The following FASTKD3 variants were observed in gnomAD, a reference collection of about 807,000 sequenced individuals.
FASTKD3 encodes FAST kinase domains 3.
Under a neutral mutation model 49.7 loss-of-function variants are expected in FASTKD3, and 47 were observed. The observed-to-expected ratio is 0.95, with a 90% CI of 0.75 to 1.21. FASTKD3 has a LOEUF of 1.21. Ranked by LOEUF, FASTKD3 falls within the 50% of genes most tolerant of loss-of-function variation. The pLI is 0.00. For missense variants in FASTKD3, 748 were observed against 765.7 expected (o/e 0.98, Z 0.27); for synonymous variants, 284 against 288.6 (o/e 0.98, Z 0.16).
intron 5 of FASTKD3, 129 bp downstream of exon 5, chr5:7,861,454 G>A (rs759646083): frequency 4.6e-6 from 3 of 659,092 alleles, no homozygotes; most frequent in Non-Finnish European, 7.1e-6. Flanking sequence ...TCCCAACATG[G>A]TATTCTGAAA....
chr5:7,859,483 T>A lies in FASTKD3; in HGVS notation c.1941A>T (p.Leu647Phe). The A allele has an allele frequency of 6.2e-7, 1 of 1,607,308 alleles. No individual in the cohort carries two copies. Among genetic ancestry groups the A allele is most frequent in the South Asian group, 1.1e-5 (1 of 89,790 alleles). The change falls in exon 7 of 7, where the codon TTA becomes TTT. Residue 647 changes from leucine to phenylalanine, a missense_variant. Leu to Phe is a conservative substitution (Grantham distance 22). Transcript: ENST00000264669. ...LKSRRELVEYLQRKLFSQNTV... is the reference protein window; with the variant it reads ...LKSRRELVEYFQRKLFSQNTV... Reference sequence around the variant, plus strand: ...TGTTTTGAGAAAACAGTTTTCTTTGTAAATATTCCACCAATTCACGTCTTG... The same window carrying A: ...TGTTTTGAGAAAACAGTTTTCTTTGAAAATATTCCACCAATTCACGTCTTG...
intron 2 of FASTKD3, among the ~76,000 whole-genome samples, chr5:7,866,313 C>CA (rs35385669): frequency 0.49 from 69,107 of 140,316 alleles, 17,383 homozygotes; most frequent in Non-Finnish European, 0.58. Flanking sequence ...ACCATCCTCT[C>CA]AAAAAAAAAA....
In FASTKD3 at chr5:7,867,655, C is replaced by CT. The variant is rs773607911; in HGVS notation, c.428dup (p.Asp144GlyfsTer3). The stretch of plus-strand genomic sequence containing the variant: ...CTTTTGGCAGCCCTTGATCACCATC[C>CT]TTTTTTTCCACTTCACAAATTCGTT... On this transcript the variant is annotated frameshift_variant, in exon 2 of 7. Transcript: ENST00000264669. LOFTEE classifies it high-confidence loss of function. The CT allele has an allele frequency of 1.2e-6, 2 of 1,614,204 alleles. No homozygotes were observed. Among genetic ancestry groups the CT allele is most frequent in the Non-Finnish European group, 1.7e-6 (2 of 1,180,022 alleles).
chr5:7,866,989 C>A lies in FASTKD3; in HGVS notation c.1095G>T (p.Thr365=), dbSNP rs773592462. The A allele has an allele frequency of 1.2e-6, 2 of 1,614,132 alleles. No homozygotes were observed. The highest frequency in any genetic ancestry group is 2.2e-5 in the East Asian group (1 of 44,862). ...CCCTGCAGACAACTTCAGGATCCAACGTGAGGCACACCGCAGCTACACGAT... is the reference window on the plus strand; with the variant it reads ...CCCTGCAGACAACTTCAGGATCCAAAGTGAGGCACACCGCAGCTACACGAT... ...LEHRVAAVCL[T]LDPEVVCRVM... The change falls in exon 2 of 7, where the codon ACG becomes ACT. Residue 365 remains threonine, a synonymous_variant. Coordinates refer to ENST00000264669, the MANE Select transcript of FASTKD3 (RefSeq NM_024091.4).
At chr5:7,862,241 T>C (rs1447302286) in intron 4 of FASTKD3, among the ~76,000 whole-genome samples, 1 of 152,162 alleles carries the variant, frequency 6.6e-6, no homozygotes, top group African/African-American at 2.4e-5. Context: ...TTAGAAGAAC[T>C]GTAAGGACGG....
chr5:7,861,084 C>T, intron 6 of FASTKD3, 65 bp downstream of exon 6: 3 of 982,430 alleles, frequency 3.1e-6, no homozygotes, highest in Non-Finnish European at 3.1e-6. Context: ...TTAAAAGTAA[C>T]CTGGAAAAAT....
At chr5:7,863,058 T>C in intron 3 of FASTKD3, 61 bp from the exon 4 acceptor site, 1 of 1,459,536 alleles carries the variant, frequency 6.9e-7, no homozygotes, top group Non-Finnish European at 9.5e-7. Context: ...AGAGAATAAA[T>C]TGAAGGTTAC....
Position 7,859,544 on chromosome 5 carries a change from A to T in FASTKD3, c.1885-5T>A. The T allele has an allele frequency of 6.5e-7, 1 of 1,548,586 alleles. No homozygotes were observed. Among genetic ancestry groups the T allele is most frequent in the Non-Finnish European group, 8.8e-7 (1 of 1,131,312 alleles). The stretch of plus-strand genomic sequence containing the variant: ...CCCAATCTCATGATAGGGGATCTGT[A>T]AAGGTAGAAAAGTAAAACTGGTCAA... On this transcript the variant is annotated splice_polypyrimidine_tract_variant and splice_region_variant and intron_variant, in intron 6 of 6. Transcript: ENST00000264669.
Position 7,861,167 on chromosome 5 carries a change from G to C in FASTKD3, c.1866C>G (p.Leu622=). The C allele has an allele frequency of 6.2e-7, 1 of 1,605,768 alleles. No homozygotes were observed. Among genetic ancestry groups the C allele is most frequent in the East Asian group, 2.2e-5 (1 of 44,822 alleles). Residue 622 remains leucine (L), a synonymous_variant, in exon 6 of 7, where the codon CTC becomes CTG. Transcript: ENST00000264669. ...ACCGTACCTGAACAACTTGATAACC[G>C]AGTAACTGTAGGTGTCTTTGTTTAA... is the stretch of plus-strand genomic sequence containing the variant. ...EAIKQRHLQL[L]GYQVVQIPYH...
At position 7,867,121 on chromosome 5, in the gene FASTKD3, A is replaced by G. The variant is rs144694454; in HGVS notation, c.963T>C (p.Tyr321=). 4.3e-4 allele frequency: 696 copies of G among 1,614,206 alleles called. 4 individuals are homozygous for G. In the African/African-American group the frequency reaches 8.4e-3, roughly 19 times the overall value. Residue 321 remains tyrosine (Y), a synonymous_variant, in exon 2 of 7, where the codon TAT becomes TAC. Coordinates refer to ENST00000264669, the MANE Select transcript of FASTKD3 (RefSeq NM_024091.4). ...AFPLIIKLGK[Y]VVRHVPHFTN... is the part of the protein sequence containing the mutation. Reference sequence around the variant, plus strand: ...TGAAATGTGGGACATGCCTCACGACATATTTGCCCAATTTTATAATCAGAG... The same window carrying G: ...TGAAATGTGGGACATGCCTCACGACGTATTTGCCCAATTTTATAATCAGAG...
chr5:7,868,987 G>C lies in FASTKD3; in HGVS notation c.-122C>G, dbSNP rs560408911. 1.5e-5 allele frequency: 14 copies of C among 917,840 alleles called. No homozygotes were observed. The highest frequency in any genetic ancestry group is 2.5e-5 in the Non-Finnish European group (14 of 562,546). 56.9% of individuals were successfully genotyped at this position (917,840 alleles called of 1,614,324 possible). A position where few individuals can be genotyped will look rare whatever the true frequency, so the allele number is the denominator to read the frequency against. On this transcript the variant is annotated 5_prime_UTR_variant, in exon 1 of 7. Transcript: ENST00000264669. Reference sequence around the variant, plus strand: ...CCCGCGTTGACACCTACCGCGCTCTGCCGGGCAATCACTCCGGGTGGTCGC... The same window carrying C: ...CCCGCGTTGACACCTACCGCGCTCTCCCGGGCAATCACTCCGGGTGGTCGC...
chr5:7,864,142 C>T (rs79632358), intron 3 of FASTKD3, among the ~76,000 whole-genome samples: 2,275 of 152,144 alleles, frequency 0.015, 30 homozygotes, highest in Non-Finnish European at 0.024. Context: ...TGAGCCACTG[C>T]GCACGGCAAG....
rs1161589002 is a variant in FASTKD3 at position 7,859,602 on chromosome 5, T to C, written c.1885-63A>G. The C allele has an allele frequency of 1.6e-5, 17 of 1,078,288 alleles. No individual in the cohort carries two copies. In the Admixed American group the frequency reaches 2.5e-4, roughly 16 times the overall value. The allele number at this position is 1,078,288 out of a possible 1,614,324, so 66.8% of individuals were successfully genotyped here. On this transcript the variant is annotated intron_variant, in intron 6 of 6. Coordinates refer to ENST00000264669, the MANE Select transcript of FASTKD3 (RefSeq NM_024091.4). ...CAAAATCTGAGGTTCCTCTGGCTAT[T>C]GGTTACTTTGTTTGTTTCTTACACG...
Position 7,866,789 on chromosome 5 carries a change from AG to A in FASTKD3, c.1294del (p.Leu432TrpfsTer18). 6.2e-7 allele frequency: 1 copy of A among 1,614,216 alleles called. No homozygotes were observed. Among genetic ancestry groups the A allele is most frequent in the Non-Finnish European group, 8.5e-7 (1 of 1,180,020 alleles). ...PPNASALFRK[L>X]ENVLFTHFNY... ...GAAATGAGTGAATAGCACGTTTTCC[AG>A]CTTTCTAAATAAAGCAGAGGCATTT... On this transcript the variant is annotated frameshift_variant, in exon 2 of 7. Transcript: ENST00000264669. LOFTEE classifies it high-confidence loss of function.
chr5:7,868,809 G>C (rs1747280667), intron 1 of FASTKD3, among the ~76,000 whole-genome samples, 170 bp downstream of exon 1: 1 of 152,224 alleles, frequency 6.6e-6, no homozygotes, highest in Non-Finnish European at 1.5e-5. Flanking sequence ...AGGCCCCGCG[G>C]CGCGTTTTCC....
intron 3 of FASTKD3, among the ~76,000 whole-genome samples, chr5:7,863,702 A>G (rs948904562): frequency 2.6e-5 from 4 of 152,232 alleles, no homozygotes; most frequent in East Asian, 1.9e-4. Context: ...GAAAATGGTT[A>G]TTTATTTGGA....
intron 6 of FASTKD3, among the ~76,000 whole-genome samples, chr5:7,860,344 C>T (rs161875): frequency 0.031 from 4,680 of 152,242 alleles, 132 homozygotes; most frequent in African/African-American, 0.071. Context: ...ACATTATCTA[C>T]AGTGAAATAT....
rs1747020999 is a variant in FASTKD3 at position 7,867,178 on chromosome 5, G to C, written c.906C>G (p.Ala302=). ...SPKLISQMLT[A]LVVLDQSQAF... is the part of the protein sequence containing the mutation. ...CTTGACTTTGATCAAGAACCACCAG[G>C]GCAGTGAGCATTTGGCTAATCAATT... The change falls in exon 2 of 7, where the codon GCC becomes GCG. Residue 302 remains alanine, a synonymous_variant. Transcript: ENST00000264669. 6.2e-7 allele frequency: 1 copy of C among 1,614,002 alleles called. No homozygotes were observed. Among genetic ancestry groups the C allele is most frequent in the Non-Finnish European group, 8.5e-7 (1 of 1,180,042 alleles).
chr5:7,863,018 ATGTG>A, intron 3 of FASTKD3, 21 bp from the exon 4 acceptor site: 1 of 1,596,770 alleles, frequency 6.3e-7, no homozygotes, highest in South Asian at 1.1e-5. Flanking sequence ...ATAAGTGCAA[ATGTG>A]AGAAAGAAAA....
Sources: gnomAD v4.1 joint callset for allele counts (sites outside exome capture counted in the v4.1 genomes callset) on GRCh38, gnomAD v4.1.1 for gene constraint, MANE v1.5 for transcripts, NCBI Gene and HGNC (gene_info 2026-07-23, HGNC 2026-07-21) for gene names.